The following CCDC13 variants were observed in gnomAD, a reference collection of about 807,000 sequenced individuals.
CCDC13 encodes coiled-coil domain-containing protein 13.
Under a neutral mutation model 87.3 loss-of-function variants are expected in CCDC13, and 70 were observed. The observed-to-expected ratio is 0.80, with a 90% confidence interval of 0.66 to 0.98. The LOEUF (loss-of-function observed/expected upper bound fraction) is 0.98. Ranked by LOEUF, CCDC13 falls within the 50% of genes least tolerant of loss-of-function variation. The pLI is 0.00. For synonymous variants in CCDC13, 317 were observed against 360.3 expected, an observed-to-expected ratio of 0.88 and a Z score of 1.36; for missense variants, 842 against 892.0, an observed-to-expected ratio of 0.94 and a Z score of 0.71.
intron 1 of CCDC13, among the ~76,000 whole-genome samples, chr3:42,761,700 T>G (rs963525942): frequency 1.1e-4 from 17 of 152,234 alleles, no homozygotes; most frequent in African/African-American, 4.1e-4. Flanking sequence ...CAGATGCCCC[T>G]TAGCCACAAA....
intron 1 of CCDC13, among the ~76,000 whole-genome samples, chr3:42,765,259 A>G (rs1277701824): frequency 4.6e-5 from 7 of 152,208 alleles, no homozygotes; most frequent in African/African-American, 1.7e-4. Context: ...GGCCCAACGG[A>G]GCCTCTGGGA....
intron 3 of CCDC13, among the ~76,000 whole-genome samples, chr3:42,754,551 G>C (rs1699662666): frequency 6.6e-6 from 1 of 152,204 alleles, no homozygotes; most frequent in South Asian, 2.1e-4. Flanking sequence ...TTAAGATGGA[G>C]TAAGCGCACT....
At position 42,719,382 on chromosome 3, in the gene CCDC13, C is replaced by CCTCTTT. The variant is rs1386418167; in HGVS notation, c.1719-6067_1719-6066insAAAGAG. On this transcript the variant is annotated intron_variant, in intron 13 of 15. Coordinates refer to ENST00000310232, the MANE Select transcript of CCDC13 (RefSeq NM_144719.4). ...CCCACTCTGCCTCAGGCAGTGCTTT[C>CCTCTTT]CTCTCTCTCTCTCTCTCTCTCTCTC... 2.3e-3 allele frequency: 119 copies of CCTCTTT among 52,402 alleles called. 1 individual carries two copies. In the East Asian group the frequency reaches 0.028, roughly 12 times the overall value. The allele number at this position is 52,402 out of a possible 1,614,324, so 3.2% of individuals were successfully genotyped here. A position where few individuals can be genotyped will look rare whatever the true frequency, so the allele number is the denominator to read the frequency against.
intron 12 of CCDC13, 27 bp downstream of exon 12, chr3:42,732,860 G>C: frequency 6.5e-7 from 1 of 1,539,106 alleles, no homozygotes; most frequent in African/African-American, 1.4e-5. Context: ...AAAAAACTGT[G>C]AGAGTCCGGG....
chr3:42,758,427 A>C (rs1699757698), intron 1 of CCDC13, 76 bp from the exon 2 acceptor site: 2 of 1,421,048 alleles, frequency 1.4e-6, no homozygotes, highest in Non-Finnish European at 1.9e-6. Flanking sequence ...CCCTGTCTGC[A>C]GCCCCAGCCT....
At chr3:42,717,768 T>C (rs527869850) in intron 13 of CCDC13, among the ~76,000 whole-genome samples, 1 of 152,202 alleles carries the variant, frequency 6.6e-6, no homozygotes, top group South Asian at 2.1e-4. Context: ...TCAGAAGGAG[T>C]TGCTATCTCA....
chr3:42,732,374 G>T (rs1698861137), intron 12 of CCDC13, among the ~76,000 whole-genome samples: 1 of 152,174 alleles, frequency 6.6e-6, no homozygotes, highest in Non-Finnish European at 1.5e-5. Flanking sequence ...GACAGCAGGA[G>T]CATGGCTCCA....
chr3:42,732,803 C>T, intron 12 of CCDC13, 84 bp downstream of exon 12: 1 of 1,248,166 alleles, frequency 8.0e-7, no homozygotes, highest in Non-Finnish European at 1.1e-6. Context: ...CTCAGTTTCC[C>T]CTCCTTTTAA....
chr3:42,746,088 T>G, intron 6 of CCDC13, 61 bp from the exon 7 acceptor site: 1 of 1,201,314 alleles, frequency 8.3e-7, no homozygotes, highest in Non-Finnish European at 1.2e-6. Flanking sequence ...ACCCTGATGC[T>G]GCTACGTATT....
Position 42,708,873 on chromosome 3 carries a change from G to T in CCDC13, c.*107C>A. ...CTCTTCTGGTAGAAGTGGTTGAGCTGGCTGCCCTGGGCTGGCTTCCCGGAG... is the reference window on the plus strand; with the variant it reads ...CTCTTCTGGTAGAAGTGGTTGAGCTTGCTGCCCTGGGCTGGCTTCCCGGAG... On this transcript the variant is annotated 3_prime_UTR_variant, in exon 16 of 16. Coordinates refer to ENST00000310232, the MANE Select transcript of CCDC13 (RefSeq NM_144719.4). 8.4e-7 allele frequency: 1 copy of T among 1,192,296 alleles called. No individual in the cohort carries two copies. The highest frequency in any genetic ancestry group is 1.1e-6 in the Non-Finnish European group (1 of 870,874). The allele number at this position is 1,192,296 out of a possible 1,614,324, so 73.9% of individuals were successfully genotyped here.
At chr3:42,715,138 A>C (rs1198819177) in intron 13 of CCDC13, among the ~76,000 whole-genome samples, 3 of 70,378 alleles carry the variant, frequency 4.3e-5, no homozygotes, top group Non-Finnish European at 7.6e-5. Context: ...CTCTACTAAA[A>C]ATACAAAAAA....
At chr3:42,732,491 G>C (rs903235254) in intron 12 of CCDC13, 2 of 214,228 alleles carry the variant, frequency 9.3e-6, no homozygotes, top group South Asian at 1.7e-4. Flanking sequence ...CCTCTGGCTT[G>C]ATTCTGTCAA....
At chr3:42,748,806 T>A (rs1406076604) in intron 5 of CCDC13, among the ~76,000 whole-genome samples, 1 of 152,126 alleles carries the variant, frequency 6.6e-6, no homozygotes, top group Non-Finnish European at 1.5e-5. Context: ...ACTCGGAACT[T>A]ATATGAAACA....
chr3:42,715,830 C>T (rs1698417867), intron 13 of CCDC13, among the ~76,000 whole-genome samples: 2 of 152,104 alleles, frequency 1.3e-5, no homozygotes, highest in African/African-American at 2.4e-5. Context: ...TTCAACTTTC[C>T]CCATGCCATT....
At position 42,757,197 on chromosome 3, in the gene CCDC13, A is replaced by G; in HGVS notation, c.239T>C (p.Ile80Thr). The change falls in exon 3 of 16, where the codon ATT (isoleucine) becomes ACT (threonine). Residue 80 changes from isoleucine (I) to threonine (T), a missense_variant. By Grantham distance (89) the Ile-to-Thr change is moderately conservative (BLOSUM62 -1). Coordinates refer to ENST00000310232, the MANE Select transcript of CCDC13 (RefSeq NM_144719.4). ...CCTGAGCTCATTTCGAAGGTGTTCAATCTCATCTTCAAGCACCCTACAAGG... is the reference window on the plus strand; with the variant it reads ...CCTGAGCTCATTTCGAAGGTGTTCAGTCTCATCTTCAAGCACCCTACAAGG... Reference protein sequence around the residue: ...SFEKRVLEDEIEHLRNELRET... With the variant: ...SFEKRVLEDETEHLRNELRET... The G allele has an allele frequency of 6.2e-7, 1 of 1,614,002 alleles. No homozygotes were observed. The highest frequency in any genetic ancestry group is 8.5e-7 in the Non-Finnish European group (1 of 1,179,950).
chr3:42,770,895 C>T (rs1311767436), intron 1 of CCDC13: 1 of 152,472 alleles, frequency 6.6e-6, no homozygotes, highest in Non-Finnish European at 1.5e-5. Context: ...CTGAACACAT[C>T]TTGACATCAG....
intron 5 of CCDC13, among the ~76,000 whole-genome samples, chr3:42,751,297 T>C (rs1205550470): frequency 6.6e-6 from 1 of 152,204 alleles, no homozygotes; most frequent in Non-Finnish European, 1.5e-5. Flanking sequence ...GATTTGGGGA[T>C]AAACCAACCC....
At chr3:42,745,799 CTG>C (rs1354150564) in intron 7 of CCDC13, 122 bp downstream of exon 7, 3 of 652,888 alleles carry the variant, frequency 4.6e-6, no homozygotes, top group Non-Finnish European at 8.1e-6. Flanking sequence ...CACGAGTGCA[CTG>C]TGAGACCTAA....
At chr3:42,764,510 C>T (rs1220620126) in intron 1 of CCDC13, among the ~76,000 whole-genome samples, 2 of 152,248 alleles carry the variant, frequency 1.3e-5, no homozygotes, top group African/African-American at 2.4e-5. Context: ...AAACCACTGT[C>T]CCTGCCACCT....
Sources: allele counts gnomAD v4.1 joint callset (sites outside exome capture counted in the v4.1 genomes callset), GRCh38; gene constraint gnomAD v4.1.1; transcripts MANE v1.5; gene names NCBI Gene and HGNC (gene_info 2026-07-23, HGNC 2026-07-21).